STT3B: variants seen among roughly 807,000 people sequenced by gnomAD.
The protein encoded by STT3B is STT3 oligosaccharyltransferase complex catalytic subunit B.
A neutral mutation model predicts 96.8 loss-of-function variants in STT3B; 29 were observed. The ratio of observed to expected loss-of-function variants is 0.30; its 90% confidence interval spans 0.22 to 0.41. The LOEUF is 0.41. STT3B is among the 10% of genes least tolerant of loss of function. The probability of loss-of-function intolerance (pLI) is 1.00; values close to 1 mark genes in which losing one functional copy is unlikely to be tolerated. For synonymous variants in STT3B, 367 were observed against 360.0 expected, an observed-to-expected ratio of 1.02 and a Z score of -0.22; for missense variants, 640 against 1,022.3, an observed-to-expected ratio of 0.63 and a Z score of 5.10.
intron 5 of STT3B, among the ~76,000 whole-genome samples, chr3:31,611,883 A>G (rs1219686584): frequency 2.0e-5 from 3 of 152,156 alleles, no homozygotes; most frequent in Non-Finnish European, 2.9e-5. Context: ...ATGTCTTAAA[A>G]TGTAGATTTG....
intron 1 of STT3B, among the ~76,000 whole-genome samples, chr3:31,567,501 A>G (rs997034043): frequency 1.3e-5 from 2 of 152,196 alleles, no homozygotes; most frequent in Non-Finnish European, 2.9e-5. Context: ...TTGTGGCCAC[A>G]GCATTATGGC....
At chr3:31,604,192 A>G (rs9839338) in intron 5 of STT3B, among the ~76,000 whole-genome samples, 107,227 of 152,022 alleles carry the variant, frequency 0.71, 38,248 homozygotes, top group Non-Finnish European at 0.76. Flanking sequence ...TGTATTTTTT[A>G]GATGATATTT....
At chr3:31,552,346 A>G (rs576838244) in intron 1 of STT3B, among the ~76,000 whole-genome samples, 10 of 152,318 alleles carry the variant, frequency 6.6e-5, no homozygotes, top group African/African-American at 1.9e-4. Context: ...CCAAATAGAC[A>G]TGATTCTAGT....
intron 5 of STT3B, among the ~76,000 whole-genome samples, chr3:31,606,180 A>G (rs1575437557): frequency 1.3e-5 from 2 of 152,242 alleles, no homozygotes; most frequent in African/African-American, 4.8e-5. Context: ...AACAGAGCAT[A>G]AAAGTTTGGG....
intron 1 of STT3B, among the ~76,000 whole-genome samples, chr3:31,549,821 CGTT>C (rs1354085101): frequency 2.6e-5 from 4 of 152,030 alleles, no homozygotes. Context: ...ATGTTATACA[CGTT>C]GTGCGTGCGT....
chr3:31,632,098 C>T lies in STT3B; in HGVS notation c.2188-837C>T, dbSNP rs112244512. ...CTTGAACTCCTGGGCTCAGGCCATCCTCCTGCCTCAGCCTCCCAAAGTACT... is the reference window on the plus strand; with the variant it reads ...CTTGAACTCCTGGGCTCAGGCCATCTTCCTGCCTCAGCCTCCCAAAGTACT... On this transcript the variant is annotated intron_variant, in intron 14 of 15. Coordinates refer to ENST00000295770, the MANE Select transcript of STT3B (RefSeq NM_178862.3). 2.6e-3 allele frequency among the ~76,000 whole-genome samples: 390 copies of T among 152,312 alleles called. 2 individuals carry two copies. Among genetic ancestry groups the T allele is most frequent in the African/African-American group, 9.2e-3 (382 of 41,562 alleles).
intron 1 of STT3B, among the ~76,000 whole-genome samples, chr3:31,554,106 T>G (rs545254064): frequency 2.0e-5 from 3 of 152,332 alleles, no homozygotes; most frequent in African/African-American, 7.2e-5. Flanking sequence ...GTAGTCTTGC[T>G]CCAACTACAA....
intron 3 of STT3B, among the ~76,000 whole-genome samples, chr3:31,593,019 C>T (rs1698700385): frequency 6.6e-6 from 1 of 152,120 alleles, no homozygotes. Flanking sequence ...AACCTCAGTA[C>T]TTGGAGGACA....
chr3:31,566,934 A>T (rs909931426), intron 1 of STT3B, among the ~76,000 whole-genome samples: 2 of 152,234 alleles, frequency 1.3e-5, no homozygotes, highest in South Asian at 2.1e-4. Flanking sequence ...TGAAAACATG[A>T]TTATTACCTT....
chr3:31,573,162 A>G (rs1176485450), intron 1 of STT3B, among the ~76,000 whole-genome samples: 3 of 152,110 alleles, frequency 2.0e-5, no homozygotes, highest in Non-Finnish European at 4.4e-5. Context: ...AAGAGAGGTA[A>G]TACGGTGTGA....
intron 8 of STT3B, 33 bp from the exon 9 acceptor site, chr3:31,619,643 A>G: frequency 6.4e-7 from 1 of 1,571,586 alleles, no homozygotes; most frequent in East Asian, 2.2e-5. Flanking sequence ...TTTATCACTT[A>G]ATTGTAAACA....
At chr3:31,539,575 C>T (rs1334331094) in intron 1 of STT3B, among the ~76,000 whole-genome samples, 1 of 151,988 alleles carries the variant, frequency 6.6e-6, no homozygotes, top group Non-Finnish European at 1.5e-5. Context: ...ATTCAGGTGC[C>T]CCAACTTAAG....
chr3:31,632,646 A>G (rs1277331945), intron 14 of STT3B, among the ~76,000 whole-genome samples: 1 of 143,146 alleles, frequency 7.0e-6, no homozygotes, highest in Non-Finnish European at 1.5e-5. Context: ...GCTTTGATAG[A>G]TTTCATTTCT....
intron 15 of STT3B, among the ~76,000 whole-genome samples, chr3:31,634,725 C>T (rs1188296831): frequency 6.6e-6 from 1 of 152,058 alleles, no homozygotes; most frequent in Non-Finnish European, 1.5e-5. Context: ...GGTTCACTGC[C>T]AGTAGGAGAA....
chr3:31,602,187 C>A (rs1056414485), intron 5 of STT3B, among the ~76,000 whole-genome samples: 1 of 152,008 alleles, frequency 6.6e-6, no homozygotes, highest in South Asian at 2.1e-4. Flanking sequence ...GTGTGCCTCT[C>A]GTTTAAACAA....
intron 3 of STT3B, among the ~76,000 whole-genome samples, chr3:31,587,502 C>G (rs1294183707): frequency 1.3e-5 from 2 of 152,068 alleles, no homozygotes; most frequent in Admixed American, 6.6e-5. Flanking sequence ...CCTCAGCCTC[C>G]CAAAGTGTGA....
chr3:31,567,365 G>C (rs1042256460), intron 1 of STT3B, among the ~76,000 whole-genome samples: 4 of 152,038 alleles, frequency 2.6e-5, no homozygotes, highest in African/African-American at 9.7e-5. Context: ...TTCTGTTCCT[G>C]ATTGATTCTT....
chr3:31,612,983 A>G (rs1036488844), intron 5 of STT3B, among the ~76,000 whole-genome samples: 10 of 152,182 alleles, frequency 6.6e-5, no homozygotes, highest in South Asian at 4.1e-4. Flanking sequence ...AACAACATCT[A>G]TTACCTTTGC....
At chr3:31,584,271 C>G (rs1295512390) in intron 3 of STT3B, among the ~76,000 whole-genome samples, 1 of 152,098 alleles carries the variant, frequency 6.6e-6, no homozygotes, top group Non-Finnish European at 1.5e-5. Context: ...GTTCCATTCC[C>G]TTGCCATCTG....
Sources: gnomAD v4.1 joint callset for allele counts (sites outside exome capture counted in the v4.1 genomes callset) on GRCh38, gnomAD v4.1.1 for gene constraint, MANE v1.5 for transcripts, NCBI Gene and HGNC (gene_info 2026-07-23, HGNC 2026-07-21) for gene names.